SYN3: variants seen among roughly 807,000 people sequenced by gnomAD.
SYN3 encodes synapsin III, also known as synapsin-3.
In SYN3, 35 loss-of-function variants were observed where a neutral mutation model predicts 65.8. The observed-to-expected ratio is 0.53, with a 90% CI of 0.41 to 0.70. The LOEUF (loss-of-function observed/expected upper bound fraction) is 0.70, where lower values mean the gene tolerates loss of function less well. Among genes scored for constraint, SYN3 ranks in the 30% least tolerant of loss-of-function variants. The pLI, the probability that SYN3 is intolerant of heterozygous loss-of-function variation, is 0.00. For synonymous variants in SYN3, 270 were observed against 292.9 expected (o/e 0.92, Z 0.80); for missense variants, 680 against 749.0 (o/e 0.91, Z 1.08).
At chr22:32,578,647 A>C (rs751156740) in intron 7 of SYN3, among the ~76,000 whole-genome samples, 10 of 152,250 alleles carry the variant, frequency 6.6e-5, no homozygotes, top group Non-Finnish European at 1.3e-4. Context: ...ACTAGAACTG[A>C]AGATATCACA....
intron 6 of SYN3, chr22:32,858,243 A>G (rs2146290961): frequency 6.5e-7 from 1 of 1,530,616 alleles, no homozygotes; most frequent in South Asian, 1.2e-5. Context: ...TGGGAAGGGT[A>G]TGCATGTGTT....
chr22:32,882,521 T>C (rs1365912600), intron 4 of SYN3, among the ~76,000 whole-genome samples: 2 of 152,208 alleles, frequency 1.3e-5, no homozygotes, highest in Non-Finnish European at 2.9e-5. Context: ...GAGTATTACC[T>C]TAATTGATCC....
chr22:32,593,846 A>C (rs1193649188), intron 7 of SYN3, among the ~76,000 whole-genome samples: 1 of 152,128 alleles, frequency 6.6e-6, no homozygotes, highest in African/African-American at 2.4e-5. Flanking sequence ...TGGAATAGCC[A>C]CGGTTAGGGA....
intron 1 of SYN3, among the ~76,000 whole-genome samples, chr22:33,046,067 A>T (rs2054059160): frequency 6.6e-6 from 1 of 152,232 alleles, no homozygotes; most frequent in Admixed American, 6.5e-5. Flanking sequence ...AGAATATAGG[A>T]ATGGTAAATA....
chr22:32,608,924 A>G (rs1252020587), intron 6 of SYN3, among the ~76,000 whole-genome samples: 1 of 152,146 alleles, frequency 6.6e-6, no homozygotes, highest in Non-Finnish European at 1.5e-5. Context: ...TCAAATTAGT[A>G]CTTGATACAG....
intron 6 of SYN3, among the ~76,000 whole-genome samples, chr22:32,717,404 G>A (rs575284419): frequency 4.6e-5 from 7 of 152,200 alleles, no homozygotes; most frequent in Non-Finnish European, 7.3e-5. Context: ...GGTGAATGAG[G>A]CCCCAGCCAT....
intron 1 of SYN3, among the ~76,000 whole-genome samples, chr22:33,030,574 TAG>T (rs1037236168): frequency 3.0e-5 from 4 of 132,256 alleles, no homozygotes; most frequent in Non-Finnish European, 4.9e-5. Context: ...GACTGAGAGA[TAG>T]AGACAGAGAG....
intron 2 of SYN3, among the ~76,000 whole-genome samples, chr22:33,003,016 C>A (rs2053104837): frequency 6.6e-6 from 1 of 152,180 alleles, no homozygotes; most frequent in South Asian, 2.1e-4. Flanking sequence ...GTGCTTCCCC[C>A]TTCACTTGGC....
chr22:32,852,326 A>G (rs2048242257), intron 6 of SYN3, among the ~76,000 whole-genome samples: 1 of 152,270 alleles, frequency 6.6e-6, no homozygotes, highest in South Asian at 2.1e-4. Context: ...TGCCCACTCC[A>G]TATGTTTTTA....
chr22:32,827,609 C>CT (rs754272668), intron 6 of SYN3, among the ~76,000 whole-genome samples: 2 of 536 alleles, frequency 3.7e-3, no homozygotes, highest in African/African-American at 0.042. Context: ...CTTTTACAAG[C>CT]CACTCCCCTA....
At chr22:32,775,870 C>T (rs776197573) in intron 6 of SYN3, among the ~76,000 whole-genome samples, 9 of 152,168 alleles carry the variant, frequency 5.9e-5, no homozygotes, top group Non-Finnish European at 8.8e-5. Flanking sequence ...TGCCTAATTC[C>T]TGAAACCTGT....
intron 3 of SYN3, among the ~76,000 whole-genome samples, chr22:32,950,718 T>C (rs754676242): frequency 6.6e-6 from 1 of 152,176 alleles, no homozygotes; most frequent in Non-Finnish European, 1.5e-5. Flanking sequence ...GAGGTTGCAC[T>C]GCTTAGTTCT....
At chr22:32,919,964 T>C (rs1341370896) in intron 4 of SYN3, among the ~76,000 whole-genome samples, 1 of 152,166 alleles carries the variant, frequency 6.6e-6, no homozygotes, top group Non-Finnish European at 1.5e-5. Flanking sequence ...GACAAGCCCA[T>C]GCATCTCCCT....
intron 6 of SYN3, among the ~76,000 whole-genome samples, chr22:32,668,854 C>T (rs933668950): frequency 4.6e-5 from 7 of 152,294 alleles, no homozygotes; most frequent in Non-Finnish European, 8.8e-5. Context: ...TGCTGAAACT[C>T]CCCTTAGGAT....
chr22:32,651,201 C>T (rs1030132850), intron 6 of SYN3, among the ~76,000 whole-genome samples: 4 of 152,180 alleles, frequency 2.6e-5, no homozygotes, highest in African/African-American at 9.7e-5. Context: ...GTCTACTAAA[C>T]ACACTGCTCT....
rs547638543 is a variant in SYN3 at position 32,739,559 on chromosome 22, G to T, written c.711+125356C>A. Among the ~76,000 whole-genome samples, 46 of 152,246 alleles carry T rather than the reference G, an allele frequency of 3.0e-4. No homozygotes were observed. In the South Asian group the frequency reaches 9.5e-3, roughly 32 times the overall value. Reference sequence around the variant, plus strand: ...CTTTAATCTGGTTGTATCCATTACTGATATCTACCTGGTCCACACAGGTGT... The same window carrying T: ...CTTTAATCTGGTTGTATCCATTACTTATATCTACCTGGTCCACACAGGTGT... On this transcript the variant is annotated intron_variant, in intron 6 of 13. Coordinates refer to ENST00000358763, the MANE Select transcript of SYN3 (RefSeq NM_003490.4).
At chr22:32,809,196 G>A (rs2046844749) in intron 6 of SYN3, among the ~76,000 whole-genome samples, 1 of 152,198 alleles carries the variant, frequency 6.6e-6, no homozygotes, top group Non-Finnish European at 1.5e-5. Flanking sequence ...GCTTGCCCAA[G>A]CTCACACCAC....
chr22:32,925,794 A>G (rs2050452750), intron 4 of SYN3, among the ~76,000 whole-genome samples: 1 of 151,950 alleles, frequency 6.6e-6, no homozygotes, highest in Admixed American at 6.6e-5. Flanking sequence ...CTGCTTGGGT[A>G]TCAGGATTTT....
At chr22:32,799,384 A>C (rs2046507238) in intron 6 of SYN3, among the ~76,000 whole-genome samples, 1 of 152,260 alleles carries the variant, frequency 6.6e-6, no homozygotes, top group Non-Finnish European at 1.5e-5. Context: ...AAAAAAGATC[A>C]GATTATACTT....
Sources: allele counts gnomAD v4.1 joint callset (sites outside exome capture counted in the v4.1 genomes callset), GRCh38; gene constraint gnomAD v4.1.1; transcripts MANE v1.5; gene names NCBI Gene and HGNC (gene_info 2026-07-23, HGNC 2026-07-21).